The following ZC3H12B variants were observed in gnomAD, a reference collection of about 807,000 sequenced individuals.
The protein encoded by ZC3H12B is zinc finger CCCH-type containing 12B.
A neutral mutation model predicts 43.9 loss-of-function variants in ZC3H12B; 7 were observed. The observed-to-expected ratio is 0.16, with a 90% CI of 0.09 to 0.30. The LOEUF (loss-of-function observed/expected upper bound fraction) is 0.30. Among genes scored for constraint, ZC3H12B ranks in the 10% least tolerant of loss-of-function variants. ZC3H12B has a pLI of 1.00. For synonymous variants in ZC3H12B, 222 were observed against 241.7 expected (o/e 0.92, Z 0.76); for missense variants, 475 against 670.2 (o/e 0.71, Z 3.22).
chrX:65,496,948 C>CAAAAAAAAAAA (rs373400545), intron 1 of ZC3H12B, among the ~76,000 whole-genome samples, 184 bp from the exon 7 acceptor site: 2 of 40,887 alleles, frequency 4.9e-5, no homozygotes, highest in Non-Finnish European at 6.0e-5. Flanking sequence ...AAAGTGAGAC[C>CAAAAAAAAAAA]AAAAAAAAAA....
chrX:65,056,874 T>G, the ZC3H12B span, among the ~76,000 whole-genome samples: 1 of 111,906 alleles, frequency 8.9e-6, no homozygotes, highest in Admixed American at 9.5e-5. Context: ...CTGTGTTGGT[T>G]TAAAGTCTGT....
the ZC3H12B span, chrX:65,271,051 A>G: frequency 2.7e-5 from 3 of 112,935 alleles, no homozygotes; most frequent in Admixed American, 9.3e-5. Flanking sequence ...TAAAAAAGTA[A>G]AAATAGAAAA....
the ZC3H12B span, among the ~76,000 whole-genome samples, chrX:65,132,007 C>T: frequency 9.0e-6 from 1 of 111,617 alleles, no homozygotes; most frequent in Non-Finnish European, 1.9e-5. Context: ...TGAGGGCTGT[C>T]CCTGAAGTCT....
chrX:65,157,482 T>C, the ZC3H12B span, among the ~76,000 whole-genome samples: 1 of 112,123 alleles, frequency 8.9e-6, no homozygotes, highest in South Asian at 3.7e-4. Context: ...GCTTTTTGCC[T>C]TGGTCTATTT....
At chrX:65,243,207 T>A in the ZC3H12B span, among the ~76,000 whole-genome samples, 3 of 111,884 alleles carry the variant, frequency 2.7e-5, no homozygotes, top group Non-Finnish European at 5.6e-5. Context: ...TTGGAGAAAA[T>A]ATATGCACAC....
chrX:65,138,937 T>C, the ZC3H12B span, among the ~76,000 whole-genome samples: 1,015 of 112,226 alleles, frequency 9.0e-3, 18 homozygotes, highest in African/African-American at 0.031. Context: ...AATTGGATTG[T>C]TTGTTTGTTT....
intron 2 of ZC3H12B, among the ~76,000 whole-genome samples, chrX:65,373,649 C>T (rs1394848930): frequency 9.9e-6 from 1 of 101,196 alleles, no homozygotes; most frequent in Non-Finnish European, 2.0e-5. Context: ...GGACAGAAAA[C>T]CAAACACTGA....
the ZC3H12B span, among the ~76,000 whole-genome samples, chrX:65,275,087 A>C: frequency 8.9e-6 from 1 of 112,627 alleles, no homozygotes; most frequent in Non-Finnish European, 1.9e-5. Flanking sequence ...CTGTGTCCAC[A>C]TCCAAGGACT....
At chrX:65,132,705 G>A in the ZC3H12B span, among the ~76,000 whole-genome samples, 1 of 111,423 alleles carries the variant, frequency 9.0e-6, no homozygotes, top group African/African-American at 3.3e-5. Flanking sequence ...GAGTTGGGGA[G>A]GTTTAGAAGC....
the ZC3H12B span, among the ~76,000 whole-genome samples, chrX:65,329,480 T>G: frequency 0.041 from 3,585 of 86,537 alleles, 1,060 homozygotes; most frequent in African/African-American, 0.44. Flanking sequence ...TTGCGAAAAT[T>G]TTCTCCCATT....
At chrX:65,182,982 C>T in the ZC3H12B span, among the ~76,000 whole-genome samples, 4 of 111,824 alleles carry the variant, frequency 3.6e-5, no homozygotes, top group African/African-American at 1.3e-4. Flanking sequence ...TGGGAGTTTA[C>T]ATTAGTTGAG....
At chrX:65,137,852 G>A in the ZC3H12B span, among the ~76,000 whole-genome samples, 10 of 112,202 alleles carry the variant, frequency 8.9e-5, no homozygotes, top group East Asian at 2.8e-4. Context: ...TTTTTGAGAC[G>A]GAGTCTCGCT....
At chrX:65,265,911 G>A in the ZC3H12B span, among the ~76,000 whole-genome samples, 2 of 111,675 alleles carry the variant, frequency 1.8e-5, no homozygotes, top group South Asian at 3.8e-4. Context: ...AATAAGGTGA[G>A]CCCAATGTTC....
upstream of ZC3H12B, among the ~76,000 whole-genome samples, chrX:65,486,448 C>A (rs1345843066): frequency 1.8e-5 from 2 of 112,076 alleles, no homozygotes; most frequent in African/African-American, 6.5e-5. Flanking sequence ...AAAATACATT[C>A]TTGCTGTCTT....
the ZC3H12B span, among the ~76,000 whole-genome samples, chrX:65,089,446 T>C: frequency 3.6e-5 from 4 of 111,909 alleles, no homozygotes; most frequent in Admixed American, 1.9e-4. Context: ...CTACCATGAA[T>C]GGAGCTTGCA....
intron 3 of ZC3H12B, among the ~76,000 whole-genome samples, chrX:65,425,500 G>T (rs764945299): frequency 9.1e-6 from 1 of 109,519 alleles, no homozygotes; most frequent in South Asian, 4.0e-4. Flanking sequence ...ATACTATATT[G>T]AATAGGAATA....
chrX:65,327,581 A>G, the ZC3H12B span, among the ~76,000 whole-genome samples: 1 of 111,517 alleles, frequency 9.0e-6, no homozygotes, highest in African/African-American at 3.2e-5. Flanking sequence ...AGAAGCACAA[A>G]TGATTGAGTA....
At chrX:65,222,449 GA>G in the ZC3H12B span, among the ~76,000 whole-genome samples, 1 of 109,939 alleles carries the variant, frequency 9.1e-6, no homozygotes, top group African/African-American at 3.3e-5. Context: ...AAATTCTAAA[GA>G]CTTATCCAAA....
At chrX:65,233,353 A>G in the ZC3H12B span, among the ~76,000 whole-genome samples, 73 of 111,686 alleles carry the variant, frequency 6.5e-4, no homozygotes, top group African/African-American at 2.1e-3. Context: ...TAGGCCACAA[A>G]GCAAGTCTTA....
Sources: allele counts gnomAD v4.1 joint callset (sites outside exome capture counted in the v4.1 genomes callset), GRCh38; gene constraint gnomAD v4.1.1; transcripts MANE v1.5; gene names NCBI Gene and HGNC (gene_info 2026-07-23, HGNC 2026-07-21).